The following PCGF3 variants were observed in gnomAD, a reference collection of about 807,000 sequenced individuals.
PCGF3 encodes polycomb group RING finger protein 3.
PCGF3 carries 7 observed loss-of-function variants against 33.1 expected under a neutral mutation model. The observed-to-expected ratio is 0.21, with a 90% CI of 0.12 to 0.40. PCGF3 has a LOEUF of 0.40. PCGF3 is among the 10% of genes least tolerant of loss of function. The pLI is 1.00. For missense variants in PCGF3, 211 were observed against 313.3 expected (o/e 0.67, Z 2.46); for synonymous variants, 153 against 121.3 (o/e 1.26, Z -1.72).
intron 9 of PCGF3, 88 bp from the exon 10 acceptor site, chr4:764,896 G>A (rs893392036): frequency 1.2e-6 from 1 of 844,430 alleles, no homozygotes; most frequent in Non-Finnish European, 2.0e-6. Flanking sequence ...TTGGGGAGGG[G>A]CTGCAGATTT....
chr4:753,732 A>G (rs2152608219), intron 8 of PCGF3, among the ~76,000 whole-genome samples: 1 of 152,130 alleles, frequency 6.6e-6, no homozygotes, highest in Non-Finnish European at 1.5e-5. Context: ...CAGATTGCCT[A>G]AGCTCAGGAG....
At chr4:715,608 G>C (rs796319751) in intron 1 of PCGF3, among the ~76,000 whole-genome samples, 7 of 64,168 alleles carry the variant, frequency 1.1e-4, no homozygotes, top group African/African-American at 3.8e-4. Context: ...ACTGGGTGTC[G>C]GTGCTGGGAC....
At chr4:726,013 G>T (rs1369556875) in intron 1 of PCGF3, among the ~76,000 whole-genome samples, 2 of 152,084 alleles carry the variant, frequency 1.3e-5, no homozygotes, top group Non-Finnish European at 1.5e-5. Flanking sequence ...GATCGGCCCC[G>T]TCCACCGTGT....
chr4:750,436 T>A (rs1744461577), intron 8 of PCGF3, among the ~76,000 whole-genome samples: 1 of 152,178 alleles, frequency 6.6e-6, no homozygotes. Flanking sequence ...CTGAGTTTGC[T>A]GGTTGGTGTG....
chr4:748,854 ACAG>A (rs1416854064), intron 8 of PCGF3, among the ~76,000 whole-genome samples: 11 of 151,806 alleles, frequency 7.2e-5, no homozygotes, highest in Middle Eastern at 3.2e-3. Context: ...ACTTGTCCTT[ACAG>A]CAGTTCCCCA....
chr4:765,902 G>A (rs1012945638), intron 10 of PCGF3, 130 bp from the exon 11 acceptor site: 5 of 775,306 alleles, frequency 6.4e-6, no homozygotes, highest in Non-Finnish European at 1.1e-5. Context: ...AGAACAGAAG[G>A]GTCTCTGTGC....
chr4:755,556 ATG>A (rs1219709500), intron 8 of PCGF3, among the ~76,000 whole-genome samples: 1 of 152,206 alleles, frequency 6.6e-6, no homozygotes, highest in Non-Finnish European at 1.5e-5. Context: ...ACATAATTAA[ATG>A]TATCGGTATT....
intron 10 of PCGF3, among the ~76,000 whole-genome samples, chr4:765,498 G>A (rs892841721): frequency 6.6e-6 from 1 of 152,120 alleles, no homozygotes; most frequent in African/African-American, 2.4e-5. Flanking sequence ...TGGTCTTTCT[G>A]AAATCATCAA....
In PCGF3 at chr4:723,127, G is replaced by A. The variant is rs1577403465; in HGVS notation, c.-189-7503G>A. Among the ~76,000 whole-genome samples, 5 of 151,278 alleles carry A rather than the reference G, an allele frequency of 3.3e-5. No individual in the cohort carries two copies. The East Asian group carries it at 5.9e-4, about 18-fold the overall frequency. On this transcript the variant is annotated intron_variant, in intron 1 of 10. Coordinates refer to ENST00000362003, the Ensembl canonical transcript of PCGF3. Reference sequence around the variant, plus strand: ...CACTCGCGTCATCGCCGTCCGTGCCGGGTCCACACTCAGTCATCGCCGTCC... The same window carrying A: ...CACTCGCGTCATCGCCGTCCGTGCCAGGTCCACACTCAGTCATCGCCGTCC...
intron 8 of PCGF3, among the ~76,000 whole-genome samples, chr4:747,974 C>T (rs577274342): frequency 6.6e-6 from 1 of 152,286 alleles, no homozygotes; most frequent in Admixed American, 6.5e-5. Flanking sequence ...TGGCCTCAGC[C>T]CCATGGCCCA....
intron 1 of PCGF3, among the ~76,000 whole-genome samples, chr4:708,904 T>C (rs909195172): frequency 1.3e-5 from 2 of 152,214 alleles, no homozygotes; most frequent in South Asian, 4.1e-4. Context: ...AGGGAAGGAA[T>C]TAAAGGATCC....
chr4:748,440 C>A (rs556650057), intron 8 of PCGF3, among the ~76,000 whole-genome samples: 1 of 152,312 alleles, frequency 6.6e-6, no homozygotes, highest in East Asian at 1.9e-4. Flanking sequence ...CCCGCCTCAG[C>A]CTCCCAAAGT....
intron 6 of PCGF3, among the ~76,000 whole-genome samples, chr4:738,488 C>T (rs185316310): frequency 2.0e-5 from 3 of 152,286 alleles, no homozygotes; most frequent in East Asian, 1.9e-4. Flanking sequence ...GTGTTTCAGA[C>T]GCGTAGCAGT....
intron 8 of PCGF3, among the ~76,000 whole-genome samples, chr4:749,579 T>C (rs536898692): frequency 7.1e-6 from 1 of 141,268 alleles, no homozygotes; most frequent in Non-Finnish European, 1.5e-5. Context: ...CTCTGCCTCC[T>C]GGGTTCAAGC....
intron 8 of PCGF3, among the ~76,000 whole-genome samples, chr4:754,579 G>A (rs796100755): frequency 3.3e-5 from 5 of 152,326 alleles, no homozygotes; most frequent in African/African-American, 9.6e-5. Context: ...GTGCCAGGCT[G>A]CCCCACGTGC....
At chr4:712,442 T>C (rs1742612020) in intron 1 of PCGF3, among the ~76,000 whole-genome samples, 1 of 147,164 alleles carries the variant, frequency 6.8e-6, no homozygotes. Flanking sequence ...TTTGTTTTTG[T>C]TTTTTGTTTG....
At chr4:759,952 A>G (rs796077687) in intron 8 of PCGF3, among the ~76,000 whole-genome samples, 1,694 of 126,578 alleles carry the variant, frequency 0.013, 55 homozygotes, top group African/African-American at 0.023. Flanking sequence ...CTTTCTCCCC[A>G]CGGCCTCTCT....
chr4:741,906 C>G (rs1173807833), intron 6 of PCGF3, among the ~76,000 whole-genome samples: 1 of 152,184 alleles, frequency 6.6e-6, no homozygotes, highest in East Asian at 1.9e-4. Context: ...CGTCACGGCT[C>G]TTCTGCAGAC....
chr4:767,583 C>T (rs57003523), exon 11 of PCGF3: 50,616 of 151,628 alleles, frequency 0.33, 9,747 homozygotes, highest in African/African-American at 0.53. Context: ...TCTTCTGCTT[C>T]CTTTAGATAA....
Sources: allele counts gnomAD v4.1 joint callset (sites outside exome capture counted in the v4.1 genomes callset), GRCh38; gene constraint gnomAD v4.1.1; transcripts MANE v1.5; gene names NCBI Gene and HGNC (gene_info 2026-07-23, HGNC 2026-07-21).